PDE4DIP: variants seen among roughly 807,000 people sequenced by gnomAD.
PDE4DIP encodes myomegalin.
Under a neutral mutation model 221.4 loss-of-function variants are expected in PDE4DIP, and 59 were observed. The ratio of observed to expected loss-of-function variants is 0.27; its 90% CI spans 0.22 to 0.33. The LOEUF (loss-of-function observed/expected upper bound fraction) is 0.33. Among genes scored for constraint, PDE4DIP ranks in the 10% least tolerant of loss-of-function variants. PDE4DIP has a pLI of 1.00. For missense variants in PDE4DIP, 1,036 were observed against 2,154.2 expected, an observed-to-expected ratio of 0.48 and a Z score of 10.28; for synonymous variants, 404 against 815.9, an observed-to-expected ratio of 0.50 and a Z score of 8.60.
intron 22 of PDE4DIP, among the ~76,000 whole-genome samples, chr1:148,994,582 T>TTA (rs10543456): frequency 0.18 from 27,386 of 150,294 alleles, 2,245 homozygotes; most frequent in Non-Finnish European, 0.2. Context: ...GGGTATATGA[T>TTA]TATATATATA....
chr1:148,931,717 A>G (rs1553470008), intron 2 of PDE4DIP, 83 bp from the exon 6 acceptor site: 1 of 1,038,786 alleles, frequency 9.6e-7, no homozygotes, highest in Non-Finnish European at 1.5e-6. Context: ...AGCAGTTTGG[A>G]GATTTATCAA....
intron 5 of PDE4DIP, among the ~76,000 whole-genome samples, chr1:148,940,258 GGATGCTTA>G (rs2150933103): frequency 6.9e-6 from 1 of 145,644 alleles, no homozygotes; most frequent in African/African-American, 2.5e-5. Flanking sequence ...TACTCTAAAA[GGATGCTTA>G]GAACAAGAAT....
At chr1:149,029,947 G>C (rs781818965) in intron 42 of PDE4DIP, 22 bp downstream of exon 45, 1 of 1,190,270 alleles carries the variant, frequency 8.4e-7, no homozygotes, top group Non-Finnish European at 1.2e-6. Flanking sequence ...GAGAGGGAAT[G>C]GGGGAAGAAA....
intron 27 of PDE4DIP, among the ~76,000 whole-genome samples, chr1:149,006,776 C>G (rs1250812263): frequency 7.8e-6 from 1 of 127,434 alleles, no homozygotes; most frequent in Non-Finnish European, 1.6e-5. Context: ...TCTTGGCTAA[C>G]TACAACCTCC....
intron 21 of PDE4DIP, chr1:148,985,712 C>T (rs1383529760): frequency 1.3e-5 from 2 of 152,058 alleles, no homozygotes; most frequent in Non-Finnish European, 2.9e-5. Context: ...TGTTACTCTC[C>T]CTTTTTTTTG....
intron 16 of PDE4DIP, among the ~76,000 whole-genome samples, chr1:148,973,164 T>C: frequency 7.0e-6 from 1 of 142,728 alleles, no homozygotes; most frequent in Non-Finnish European, 1.5e-5. Flanking sequence ...TGAATGCCTT[T>C]TGCTTCTAGG....
At chr1:149,025,150 C>T (rs71246357) in intron 38 of PDE4DIP, among the ~76,000 whole-genome samples, 2 of 150,632 alleles carry the variant, frequency 1.3e-5, no homozygotes, top group Non-Finnish European at 3.0e-5. Context: ...GTTTTGCTAT[C>T]TCTGTATTTC....
intron 1 of PDE4DIP, among the ~76,000 whole-genome samples, chr1:148,914,364 C>T (rs60533739): frequency 2.8e-3 from 410 of 145,840 alleles, no homozygotes; most frequent in East Asian, 0.012. Context: ...TGGTGGCTCA[C>T]GCCTGTAATC....
At chr1:148,969,771 A>T (rs746175297) in intron 14 of PDE4DIP, among the ~76,000 whole-genome samples, 1 of 150,980 alleles carries the variant, frequency 6.6e-6, no homozygotes, top group African/African-American at 2.4e-5. Context: ...CGATGGCGCA[A>T]TCTTGGCTCA....
At chr1:148,916,755 AAT>A (rs1310236535) in intron 1 of PDE4DIP, among the ~76,000 whole-genome samples, 2 of 143,598 alleles carry the variant, frequency 1.4e-5, no homozygotes, top group Non-Finnish European at 3.1e-5. Context: ...TAGAAAAATT[AAT>A]ATAGTTTTTA....
At chr1:148,951,477 C>T (rs2053216522) in intron 5 of PDE4DIP, among the ~76,000 whole-genome samples, 1 of 152,202 alleles carries the variant, frequency 6.6e-6, no homozygotes, top group African/African-American at 2.4e-5. Flanking sequence ...TCACCGAAGT[C>T]AGTGAAGTTC....
At chr1:149,032,983 A>G (rs9536) in exon 44 of PDE4DIP, 133,034 of 176,238 alleles carry the variant, frequency 0.75, 49,276 homozygotes, top group African/African-American at 0.85. Context: ...GTTAAAGCAA[A>G]ATGTGTATAA....
intron 19 of PDE4DIP, among the ~76,000 whole-genome samples, chr1:148,979,261 A>T (rs183397632): frequency 2.6e-5 from 4 of 152,290 alleles, no homozygotes; most frequent in African/African-American, 9.6e-5. Context: ...ATAGCTCATT[A>T]TCTTTATAGC....
Position 148,821,421 on chromosome 1 carries a change from T to C in PDE4DIP, c.233+12684T>C, listed in dbSNP as rs1194187053. Among the ~76,000 whole-genome samples the C allele has an allele frequency of 1.3e-4, 19 of 150,628 alleles. 1 individual carries two copies. Among genetic ancestry groups the C allele is most frequent in the African/African-American group, 4.5e-4 (18 of 40,336 alleles). ...GCTAGAATAAAATGAGGAACAAAAT[T>C]ATTGGATAAAGGCTCAGTGAGGACG... On this transcript the variant is annotated intron_variant, in intron 1 of 45. Coordinates refer to the PDE4DIP transcript ENST00000524974.
At chr1:148,866,606 A>AGGG (rs1686860386) in intron 2 of PDE4DIP, 21 of 19,046 alleles carry the variant, frequency 1.1e-3, no homozygotes, top group East Asian at 0.011. Context: ...GGAAGGAAGG[A>AGGG]AGGGAGGGAG....
At chr1:148,998,056 T>G (rs2064720556) in intron 22 of PDE4DIP, 87 bp from the exon 26 acceptor site, 2 of 759,892 alleles carry the variant, frequency 2.6e-6, no homozygotes, top group South Asian at 2.0e-5. Context: ...TTGTTTTTGT[T>G]CTCATTTAAA....
At chr1:148,989,475 A>C (rs1553554509) in intron 21 of PDE4DIP, 2 of 338,482 alleles carry the variant, frequency 5.9e-6, no homozygotes, top group Non-Finnish European at 8.8e-6. Flanking sequence ...AGGCTGCCAA[A>C]GATAAGTGGA....
At chr1:149,031,918 T>G (rs1454383111) in intron 43 of PDE4DIP, 26 bp from the exon 47 acceptor site, 1 of 1,594,028 alleles carries the variant, frequency 6.3e-7, no homozygotes, top group Non-Finnish European at 8.5e-7. Context: ...ATACACTGAT[T>G]TGGTTTGTTT....
chr1:148,958,835 A>G (rs1437621885), intron 5 of PDE4DIP, among the ~76,000 whole-genome samples: 5 of 152,038 alleles, frequency 3.3e-5, no homozygotes, highest in African/African-American at 1.2e-4. Flanking sequence ...TGAAGCTACT[A>G]GAAAATTAAA....
Sources: gnomAD v4.1 joint callset for allele counts (sites outside exome capture counted in the v4.1 genomes callset) on GRCh38, gnomAD v4.1.1 for gene constraint, MANE v1.5 for transcripts, NCBI Gene and HGNC (gene_info 2026-07-23, HGNC 2026-07-21) for gene names.